The following PRKCH variants were observed in gnomAD, a reference collection of about 807,000 sequenced individuals.
The protein encoded by PRKCH is protein kinase C eta type.
A neutral mutation model predicts 82.5 loss-of-function variants in PRKCH; 28 were observed. The ratio of observed to expected loss-of-function variants is 0.34; its 90% CI spans 0.25 to 0.47. PRKCH has a LOEUF of 0.47. PRKCH is among the 20% of genes least tolerant of loss of function. The pLI, the probability that PRKCH is intolerant of heterozygous loss-of-function variation, is 1.00. For missense variants in PRKCH, 705 were observed against 881.8 expected (o/e 0.80, Z 2.54); for synonymous variants, 322 against 327.4 (o/e 0.98, Z 0.18).
At chr14:61,380,236 T>G (rs1249178621) in intron 1 of PRKCH, among the ~76,000 whole-genome samples, 12 of 151,908 alleles carry the variant, frequency 7.9e-5, no homozygotes, top group African/African-American at 2.9e-4. Context: ...TTTTTATTTT[T>G]TATAGAGATG....
At chr14:61,326,946 C>T (rs1235400058) in intron 1 of PRKCH, 1 of 380,566 alleles carries the variant, frequency 2.6e-6, no homozygotes, top group East Asian at 8.1e-5. Flanking sequence ...CGTGTACTTG[C>T]TCTTGATTTG....
chr14:61,232,214 G>A (rs1004846454), intron 1 of PRKCH, among the ~76,000 whole-genome samples: 3 of 152,154 alleles, frequency 2.0e-5, no homozygotes, highest in African/African-American at 2.4e-5. Context: ...TTACCAGTTC[G>A]TTATAAAGGA....
chr14:61,384,826 A>G (rs1163994655), intron 1 of PRKCH, among the ~76,000 whole-genome samples: 1 of 151,982 alleles, frequency 6.6e-6, no homozygotes, highest in Non-Finnish European at 1.5e-5. Flanking sequence ...AGAGTAGTAG[A>G]AACAACATAG....
intron 1 of PRKCH, chr14:61,322,717 T>A (rs2045644918): frequency 2.2e-6 from 1 of 464,582 alleles, no homozygotes; most frequent in Admixed American, 3.6e-5. Flanking sequence ...TAACGGGAAG[T>A]CGGGCAGGGG....
intron 9 of PRKCH, among the ~76,000 whole-genome samples, chr14:61,482,610 C>T (rs1245527766): frequency 6.6e-6 from 1 of 152,108 alleles, no homozygotes; most frequent in African/African-American, 2.4e-5. Flanking sequence ...TTGCTCATAA[C>T]CTGAGGGCTG....
At chr14:61,467,549 C>T (rs1227119997) in intron 9 of PRKCH, among the ~76,000 whole-genome samples, 1 of 152,232 alleles carries the variant, frequency 6.6e-6, no homozygotes, top group Non-Finnish European at 1.5e-5. Flanking sequence ...GTTGCTGTGA[C>T]ACCCAGCGCA....
Position 61,413,416 on chromosome 14 carries a change from C to CCCG in PRKCH, c.427+22131_427+22133dup, listed in dbSNP as rs1566867807. Among the ~76,000 whole-genome samples the CCCG allele has an allele frequency of 2.5e-4, 27 of 106,776 alleles. 2 individuals carry two copies. Among genetic ancestry groups the CCCG allele is most frequent in the African/African-American group, 8.8e-4 (27 of 30,554 alleles). The allele number at this position is 106,776 out of a possible 152,430, so 70.0% of individuals were successfully genotyped here. A position where few individuals can be genotyped will look rare whatever the true frequency, so the allele number is the denominator to read the frequency against. ...TTCTTTTTAAGCGCCCCCCCCCCGCCCCGCCCATGTACCCTGTGCCTATAT... is the reference window on the plus strand; with the variant it reads ...TTCTTTTTAAGCGCCCCCCCCCCGCCCCGCCGCCCATGTACCCTGTGCCTATAT... On this transcript the variant is annotated intron_variant, in intron 2 of 13. Coordinates refer to ENST00000332981, the MANE Select transcript of PRKCH (RefSeq NM_006255.5).
At chr14:61,487,332 C>T (rs1388271025) in intron 10 of PRKCH, among the ~76,000 whole-genome samples, 1 of 152,202 alleles carries the variant, frequency 6.6e-6, no homozygotes, top group Non-Finnish European at 1.5e-5. Context: ...TCTGCTCGTT[C>T]TTAGGTCACG....
intron 9 of PRKCH, among the ~76,000 whole-genome samples, chr14:61,472,753 C>G (rs1885562488): frequency 6.6e-6 from 1 of 152,140 alleles, no homozygotes; most frequent in Non-Finnish European, 1.5e-5. Context: ...ACCTTAAATG[C>G]TATCTTAAGG....
chr14:61,542,114 A>AC (rs1409860101), intron 12 of PRKCH, among the ~76,000 whole-genome samples: 2 of 151,624 alleles, frequency 1.3e-5, no homozygotes, highest in African/African-American at 4.9e-5. Context: ...ACATGGTGAA[A>AC]CCCCGTCTCT....
At chr14:61,335,258 C>T (rs1162721433) in intron 1 of PRKCH, among the ~76,000 whole-genome samples, 1 of 152,022 alleles carries the variant, frequency 6.6e-6, no homozygotes, top group Non-Finnish European at 1.5e-5. Context: ...ATCATAGAAG[C>T]ATCTAGTTAT....
intron 12 of PRKCH, among the ~76,000 whole-genome samples, chr14:61,534,425 T>C (rs2043081658): frequency 6.6e-6 from 1 of 152,214 alleles, no homozygotes; most frequent in Non-Finnish European, 1.5e-5. Flanking sequence ...TTTACCAATA[T>C]TGACTTGACG....
intron 12 of PRKCH, among the ~76,000 whole-genome samples, chr14:61,533,211 G>A (rs781440210): frequency 7.3e-5 from 11 of 151,498 alleles, no homozygotes; most frequent in Non-Finnish European, 1.5e-4. Flanking sequence ...CACATAATAA[G>A]CATTCTGTTT....
intron 2 of PRKCH, among the ~76,000 whole-genome samples, chr14:61,439,176 T>C (rs1288392268): frequency 1.3e-5 from 2 of 152,094 alleles, no homozygotes; most frequent in South Asian, 2.1e-4. Context: ...TAGTATTCAA[T>C]AGGGTTTTTT....
At chr14:61,209,141 TCCG>T (rs754066289) in intron 1 of PRKCH, among the ~76,000 whole-genome samples, 8 of 152,078 alleles carry the variant, frequency 5.3e-5, no homozygotes, top group Non-Finnish European at 1.2e-4. Flanking sequence ...CCTTCCATCT[TCCG>T]CCATGGGATG....
intron 1 of PRKCH, among the ~76,000 whole-genome samples, chr14:61,207,565 C>A (rs570317006): frequency 1.3e-5 from 2 of 152,206 alleles, no homozygotes; most frequent in African/African-American, 4.8e-5. Flanking sequence ...TAGATGTTTT[C>A]AATTTACTAG....
At chr14:61,290,900 C>G (rs2045355862) in intron 1 of PRKCH, among the ~76,000 whole-genome samples, 1 of 152,150 alleles carries the variant, frequency 6.6e-6, no homozygotes, top group African/African-American at 2.4e-5. Context: ...TTTTAATAAG[C>G]CAGCAAGCTA....
chr14:61,202,202 C>G (rs966152843), intron 1 of PRKCH, among the ~76,000 whole-genome samples: 2 of 152,192 alleles, frequency 1.3e-5, no homozygotes, highest in African/African-American at 4.8e-5. Context: ...TTGTACCTAT[C>G]TGAATGCTAT....
rs113969377 is a variant in PRKCH at position 61,352,658 on chromosome 14, AAGAG to A, written c.363+30214_363+30217del. The stretch of plus-strand genomic sequence containing the variant: ...CCATCTCAAAAGAAAGAAAGAAAGA[AAGAG>A]AGAGAGAGAGAGAGAGAGAAAGGAA... On this transcript the variant is annotated intron_variant, in intron 1 of 13. Transcript: ENST00000332981. Among the ~76,000 whole-genome samples the A allele has an allele frequency of 2.5e-3, 353 of 139,024 alleles. 3 individuals carry two copies. Among genetic ancestry groups the A allele is most frequent in the Admixed American group, 3.6e-3 (50 of 13,900 alleles). The allele number at this position is 139,024 out of a possible 152,430, so 91.2% of individuals were successfully genotyped here. A position where few individuals can be genotyped will look rare whatever the true frequency, so the allele number is the denominator to read the frequency against.
Sources: gnomAD v4.1 joint callset for allele counts (sites outside exome capture counted in the v4.1 genomes callset) on GRCh38, gnomAD v4.1.1 for gene constraint, MANE v1.5 for transcripts, NCBI Gene and HGNC (gene_info 2026-07-23, HGNC 2026-07-21) for gene names.